Variants in THEM4 observed in about 807,000 individuals in gnomAD.
The protein encoded by THEM4 is thioesterase superfamily member 4.
THEM4 carries 22 observed loss-of-function variants against 25.0 expected under a neutral mutation model. That is an observed-to-expected ratio of 0.88 (90% CI 0.63 to 1.26). THEM4 has a LOEUF of 1.26. Among genes scored for constraint, THEM4 ranks in the 50% most tolerant of loss-of-function variants. The pLI is 0.00. For synonymous variants in THEM4, 113 were observed against 105.6 expected, an observed-to-expected ratio of 1.07 and a Z score of -0.43; for missense variants, 286 against 300.3, an observed-to-expected ratio of 0.95 and a Z score of 0.35.
chr1:151,906,314 G>A (rs953403340), intron 1 of THEM4, among the ~76,000 whole-genome samples: 1 of 152,250 alleles, frequency 6.6e-6, no homozygotes, highest in Admixed American at 6.5e-5. Flanking sequence ...GGGTCCCCCA[G>A]CAGTGCCGGC....
rs1416154785 is a variant in THEM4, at chr1:151,875,848, A to G, written c.683-920T>C. ...TTAATTTGGTACAGGCTTAGAAAACAATTTTGCATTCCTCTGTAAAGCTGA... is the reference window on the plus strand; with the variant it reads ...TTAATTTGGTACAGGCTTAGAAAACGATTTTGCATTCCTCTGTAAAGCTGA... On this transcript the variant is annotated intron_variant, in intron 5 of 5. Transcript: ENST00000368814. Among the ~76,000 whole-genome samples the G allele has an allele frequency of 6.6e-5, 10 of 152,332 alleles. No homozygotes were observed. In the East Asian group the frequency reaches 1.3e-3, roughly 21 times the overall value.
chr1:151,904,522 C>G (rs981176518), intron 1 of THEM4, among the ~76,000 whole-genome samples: 1 of 152,078 alleles, frequency 6.6e-6, no homozygotes, highest in African/African-American at 2.4e-5. Context: ...TATGAGGAGA[C>G]TTAAGGAGTT....
At chr1:151,875,681 A>G (rs1419852424) in intron 5 of THEM4, among the ~76,000 whole-genome samples, 1 of 152,216 alleles carries the variant, frequency 6.6e-6, no homozygotes, top group Non-Finnish European at 1.5e-5. Context: ...TCAACCACAC[A>G]GGTAATCAGA....
chr1:151,901,465 T>C (rs2101730511), intron 1 of THEM4, among the ~76,000 whole-genome samples: 1 of 152,290 alleles, frequency 6.6e-6, no homozygotes, highest in East Asian at 1.9e-4. Context: ...TCCATAAATT[T>C]AAGAAAATTG....
At chr1:151,889,062 T>C (rs1448357434) in intron 3 of THEM4, 152 bp downstream of exon 3, 1 of 467,290 alleles carries the variant, frequency 2.1e-6, no homozygotes, top group Middle Eastern at 5.9e-4. Context: ...TAAGATGTCC[T>C]TTAATAATGT....
intron 1 of THEM4, among the ~76,000 whole-genome samples, chr1:151,907,483 C>T (rs750365102): frequency 2.0e-5 from 3 of 152,208 alleles, no homozygotes; most frequent in Non-Finnish European, 2.9e-5. Context: ...CTTCACGCCA[C>T]TGTAAGCTTG....
At chr1:151,882,041 C>A (rs1051028488) in intron 4 of THEM4, among the ~76,000 whole-genome samples, 1 of 147,396 alleles carries the variant, frequency 6.8e-6, no homozygotes, top group African/African-American at 2.5e-5. Flanking sequence ...TTTTTTTTTT[C>A]TCTCTCTCTC....
intron 4 of THEM4, among the ~76,000 whole-genome samples, chr1:151,887,239 G>A (rs1193845173): frequency 6.6e-6 from 1 of 152,128 alleles, no homozygotes; most frequent in African/African-American, 2.4e-5. Flanking sequence ...GATCAGCCTG[G>A]CCAACAAAGT....
intron 4 of THEM4, 65 bp from the exon 5 acceptor site, chr1:151,877,190 G>T: frequency 6.7e-7 from 1 of 1,498,144 alleles, no homozygotes; most frequent in South Asian, 1.3e-5. Flanking sequence ...ATTAAAAGAT[G>T]ATCAAGTACA....
intron 1 of THEM4, among the ~76,000 whole-genome samples, chr1:151,898,967 A>G (rs1372927630): frequency 6.6e-6 from 1 of 152,270 alleles, no homozygotes; most frequent in Non-Finnish European, 1.5e-5. Flanking sequence ...CCTTTGACAG[A>G]GTCTACCTAC....
Position 151,888,363 on chromosome 1 carries a change from A to G in THEM4, c.467T>C (p.Ile156Thr). 2 of 1,613,088 alleles carry G rather than the reference A, an allele frequency of 1.2e-6. No homozygotes were observed. Among genetic ancestry groups the G allele is most frequent in the Non-Finnish European group, 1.7e-6 (2 of 1,179,434 alleles). Reference protein sequence around the residue: ...GPPGFIHGGAIATMIDATVGM... With the variant: ...GPPGFIHGGATATMIDATVGM... ...AACAGTAGCATCAATCATGGTTGCA[A>G]TGGCACCTCCATGAATGAATCTAGT... The change falls in exon 4 of 6, where the codon ATT becomes ACT. Residue 156 changes from isoleucine (I) to threonine (T), a missense_variant. Ile to Thr is a moderately conservative substitution (Grantham distance 89, BLOSUM62 -1). Coordinates refer to ENST00000368814, the MANE Select transcript of THEM4 (RefSeq NM_053055.5).
intron 3 of THEM4, among the ~76,000 whole-genome samples, chr1:151,888,871 G>C (rs1275669840): frequency 8.2e-6 from 1 of 121,482 alleles, no homozygotes; most frequent in Non-Finnish European, 1.7e-5. Context: ...TAGAAATGTA[G>C]GTAATGCAAA....
At chr1:151,907,657 G>A (rs1654501263) in intron 1 of THEM4, among the ~76,000 whole-genome samples, 1 of 152,180 alleles carries the variant, frequency 6.6e-6, no homozygotes, top group Non-Finnish European at 1.5e-5. Context: ...TCCTGCAACA[G>A]AAGGATGAGT....
chr1:151,886,725 A>G (rs1343512881), intron 4 of THEM4, among the ~76,000 whole-genome samples: 1 of 152,218 alleles, frequency 6.6e-6, no homozygotes, highest in Non-Finnish European at 1.5e-5. Context: ...TTAAAAATCT[A>G]AGGCACAACT....
rs958280225 is a variant in THEM4 at position 151,872,423 on chromosome 1, T to C, written c.*2465A>G. Among the ~76,000 whole-genome samples the C allele has an allele frequency of 5.9e-5, 9 of 152,258 alleles. No homozygotes were observed. In the South Asian group the frequency reaches 1.9e-3, roughly 32 times the overall value. On this transcript the variant is annotated 3_prime_UTR_variant, in exon 6 of 6. Transcript: ENST00000368814. ...TATGGTTCAGCTTAAATTTCTAATA[T>C]GGGGAAAGAAAGGAAAGAAATGGAA...
intron 5 of THEM4, 80 bp from the exon 6 acceptor site, chr1:151,875,008 T>C (rs1389099299): frequency 8.9e-7 from 1 of 1,118,252 alleles, no homozygotes; most frequent in Non-Finnish European, 1.4e-6. Context: ...GAAAGACATA[T>C]ACAAAAGAAG....
chr1:151,872,251 A>C lies in THEM4; in HGVS notation c.*2637T>G, dbSNP rs1466748042. On this transcript the variant is annotated 3_prime_UTR_variant, in exon 6 of 6. Coordinates refer to ENST00000368814, the MANE Select transcript of THEM4 (RefSeq NM_053055.5). The stretch of plus-strand genomic sequence containing the variant: ...CTGGCTTGGCCATCCCAGGTCAGTC[A>C]GCTCTGGCAATGGAGGGCTCCAGCT... 6.6e-6 allele frequency among the ~76,000 whole-genome samples: 1 copy of C among 152,184 alleles called. No individual in the cohort carries two copies. The highest frequency in any genetic ancestry group is 1.5e-5 in the Non-Finnish European group (1 of 68,020).
In THEM4 at chr1:151,890,477, T is replaced by C. The variant is rs184120885; in HGVS notation, c.287-1104A>G. 518 of 184,414 alleles carry C rather than the reference T, an allele frequency of 2.8e-3. 2 individuals carry two copies. The highest frequency in any genetic ancestry group is 9.9e-3 in the African/African-American group (425 of 42,792). 11.4% of individuals were successfully genotyped at this position (184,414 alleles called of 1,614,324 possible). A position where few individuals can be genotyped will look rare whatever the true frequency, so the allele number is the denominator to read the frequency against. Reference sequence around the variant, plus strand: ...TCATAGCTCATCATGATTTGCCATATATAAAACTGTTTATTTCTATTGAAT... The same window carrying C: ...TCATAGCTCATCATGATTTGCCATACATAAAACTGTTTATTTCTATTGAAT... On this transcript the variant is annotated intron_variant, in intron 2 of 5. Coordinates refer to ENST00000368814, the MANE Select transcript of THEM4 (RefSeq NM_053055.5).
chr1:151,904,939 T>C (rs1034073554), intron 1 of THEM4, among the ~76,000 whole-genome samples: 3 of 152,134 alleles, frequency 2.0e-5, no homozygotes, highest in African/African-American at 4.8e-5. Context: ...ATGGACACTA[T>C]AATAATGTAG....
Sources: gnomAD v4.1 joint callset for allele counts (sites outside exome capture counted in the v4.1 genomes callset) on GRCh38, gnomAD v4.1.1 for gene constraint, MANE v1.5 for transcripts, NCBI Gene and HGNC (gene_info 2026-07-23, HGNC 2026-07-21) for gene names.